PARD3B: variants seen among roughly 807,000 people sequenced by gnomAD.
PARD3B encodes partitioning defective 3 homolog B.
Under a neutral mutation model 130.2 loss-of-function variants are expected in PARD3B, and 103 were observed. The ratio of observed to expected loss-of-function variants is 0.79; its 90% confidence interval spans 0.67 to 0.93. PARD3B has a LOEUF of 0.93. PARD3B is among the 40% of genes least tolerant of loss of function. The pLI is 0.00. For missense variants in PARD3B, 1,609 were observed against 1,499.2 expected, an observed-to-expected ratio of 1.07 and a Z score of -1.21; for synonymous variants, 583 against 553.2, an observed-to-expected ratio of 1.05 and a Z score of -0.76.
chr2:204,753,576 G>A (rs1330065790), intron 2 of PARD3B, among the ~76,000 whole-genome samples: 1 of 152,084 alleles, frequency 6.6e-6, no homozygotes, highest in Non-Finnish European at 1.5e-5. Flanking sequence ...CCATGGCCTA[G>A]TTCCAGCTGT....
intron 2 of PARD3B, among the ~76,000 whole-genome samples, chr2:204,847,230 T>A (rs543132454): frequency 1.3e-5 from 2 of 151,156 alleles, no homozygotes; most frequent in South Asian, 4.2e-4. Flanking sequence ...GAGTAGCTGC[T>A]GTCCTCTATT....
chr2:204,875,547 C>T (rs2045808113), intron 2 of PARD3B, among the ~76,000 whole-genome samples: 1 of 152,160 alleles, frequency 6.6e-6, no homozygotes, highest in Non-Finnish European at 1.5e-5. Flanking sequence ...ATTCCGACAT[C>T]ATGCCCACAC....
intron 2 of PARD3B, among the ~76,000 whole-genome samples, chr2:204,706,108 A>G (rs1014490917): frequency 6.6e-6 from 1 of 152,124 alleles, no homozygotes; most frequent in Non-Finnish European, 1.5e-5. Flanking sequence ...TCATTTTTAC[A>G]TAAGAGTAAG....
intron 2 of PARD3B, among the ~76,000 whole-genome samples, chr2:204,835,050 T>C (rs1240673839): frequency 1.3e-5 from 2 of 152,206 alleles, no homozygotes; most frequent in East Asian, 1.9e-4. Context: ...AATGGTACCC[T>C]GCAGGATTCT....
chr2:205,476,165 G>T (rs527828485), intron 20 of PARD3B, among the ~76,000 whole-genome samples: 42 of 152,262 alleles, frequency 2.8e-4, no homozygotes, highest in African/African-American at 9.6e-4. Flanking sequence ...TAATGGACAA[G>T]CAGTGGAAAG....
At chr2:205,535,263 G>A (rs1213977736) in intron 21 of PARD3B, among the ~76,000 whole-genome samples, 1 of 152,106 alleles carries the variant, frequency 6.6e-6, no homozygotes, top group Admixed American at 6.6e-5. Context: ...CACACACTCC[G>A]TCCTTGTGCA....
chr2:204,856,981 T>A (rs2044972654), intron 2 of PARD3B, among the ~76,000 whole-genome samples: 1 of 152,056 alleles, frequency 6.6e-6, no homozygotes, highest in Admixed American at 6.6e-5. Context: ...CCAGGTTTTT[T>A]GTTTGTTTGT....
At chr2:205,035,919 G>A (rs1330291632) in intron 3 of PARD3B, among the ~76,000 whole-genome samples, 1 of 99,794 alleles carries the variant, frequency 1.0e-5, no homozygotes, top group African/African-American at 4.3e-5. Context: ...ATATATCTCT[G>A]ACTCCACTAT....
chr2:204,858,755 A>G (rs2045060261), intron 2 of PARD3B, among the ~76,000 whole-genome samples: 1 of 148,478 alleles, frequency 6.7e-6, no homozygotes, highest in South Asian at 2.1e-4. Flanking sequence ...CTGTATATAT[A>G]GGTGTATATA....
At chr2:205,565,328 G>T (rs2053283324) in intron 22 of PARD3B, among the ~76,000 whole-genome samples, 2 of 152,200 alleles carry the variant, frequency 1.3e-5, no homozygotes, top group African/African-American at 4.8e-5. Flanking sequence ...ATAAAATCAG[G>T]ATGGAGTTGG....
At chr2:205,099,547 TTAAG>T (rs1702610138) in intron 4 of PARD3B, among the ~76,000 whole-genome samples, 1 of 152,212 alleles carries the variant, frequency 6.6e-6, no homozygotes, top group African/African-American at 2.4e-5. Flanking sequence ...AAGGAAAAGC[TTAAG>T]TATTCTTAAC....
intron 22 of PARD3B, among the ~76,000 whole-genome samples, chr2:205,611,147 G>A (rs923960017): frequency 2.6e-5 from 4 of 152,166 alleles, no homozygotes; most frequent in African/African-American, 9.7e-5. Flanking sequence ...AGAGACAGAG[G>A]AGAGAGATTT....
At position 205,156,822 on chromosome 2, in the gene PARD3B, A is replaced by G. The variant is rs849125; in HGVS notation, c.1435-1900A>G. Among the ~76,000 whole-genome samples, 1,163 of 152,298 alleles carry G rather than the reference A, an allele frequency of 7.6e-3. 17 individuals are homozygous for G. Among genetic ancestry groups the G allele is most frequent in the African/African-American group, 0.026 (1,098 of 41,558 alleles). On this transcript the variant is annotated intron_variant, in intron 10 of 22. Coordinates refer to ENST00000406610, the MANE Select transcript of PARD3B (RefSeq NM_001302769.2). ...TTGAATCTCAGATGTCAGAGACTTA[A>G]AAAAAATTTTCAAAAGAAAAGATAA... is the stretch of plus-strand genomic sequence containing the variant.
chr2:204,622,896 G>C (rs931056875), intron 1 of PARD3B, among the ~76,000 whole-genome samples: 1 of 152,116 alleles, frequency 6.6e-6, no homozygotes, highest in Non-Finnish European at 1.5e-5. Flanking sequence ...AAAATCTGTA[G>C]CTTCAGATTA....
chr2:205,528,749 C>CA (rs2051449137), intron 21 of PARD3B, among the ~76,000 whole-genome samples: 1 of 152,256 alleles, frequency 6.6e-6, no homozygotes, highest in East Asian at 1.9e-4. Flanking sequence ...CTCAGCCTCC[C>CA]AAAGTGCTGT....
At chr2:205,177,249 C>A (rs1468577015) in intron 13 of PARD3B, among the ~76,000 whole-genome samples, 1 of 151,768 alleles carries the variant, frequency 6.6e-6, no homozygotes, top group Non-Finnish European at 1.5e-5. Context: ...ATTACAAAAA[C>A]AATACATATT....
intron 15 of PARD3B, among the ~76,000 whole-genome samples, chr2:205,235,192 G>A (rs187874866): frequency 6.6e-6 from 1 of 152,090 alleles, no homozygotes; most frequent in Non-Finnish European, 1.5e-5. Flanking sequence ...AGGCTGAGGT[G>A]GGCAGATCAT....
intron 2 of PARD3B, among the ~76,000 whole-genome samples, chr2:204,920,294 G>C (rs1221318475): frequency 6.6e-6 from 1 of 152,132 alleles, no homozygotes; most frequent in Non-Finnish European, 1.5e-5. Flanking sequence ...GTAGAGAGAG[G>C]CTCTGCATGT....
intron 2 of PARD3B, among the ~76,000 whole-genome samples, chr2:204,917,608 G>A (rs777585421): frequency 6.6e-6 from 1 of 152,188 alleles, no homozygotes; most frequent in Non-Finnish European, 1.5e-5. Context: ...GATCTGGACT[G>A]AGATGTAAAT....
Sources: allele counts gnomAD v4.1 joint callset (sites outside exome capture counted in the v4.1 genomes callset), GRCh38; gene constraint gnomAD v4.1.1; transcripts MANE v1.5; gene names NCBI Gene and HGNC (gene_info 2026-07-23, HGNC 2026-07-21).